DOP1B: variants seen among roughly 807,000 people sequenced by gnomAD.
DOP1B encodes protein DOP1B.
In DOP1B, 174 loss-of-function variants were observed where a neutral mutation model predicts 233.5. The ratio of observed to expected loss-of-function variants is 0.75; its 90% confidence interval spans 0.66 to 0.85. The LOEUF is 0.85. Among genes scored for constraint, DOP1B ranks in the 40% least tolerant of loss-of-function variants. DOP1B has a pLI of 0.00. For missense variants in DOP1B, 2,652 were observed against 2,846.6 expected, an observed-to-expected ratio of 0.93 and a Z score of 1.56; for synonymous variants, 1,190 against 1,185.6, an observed-to-expected ratio of 1.00 and a Z score of -0.08.
intron 23 of DOP1B, among the ~76,000 whole-genome samples, chr21:36,258,819 C>G (rs936994135): frequency 6.6e-6 from 1 of 152,190 alleles, no homozygotes; most frequent in Non-Finnish European, 1.5e-5. Context: ...TAAAAAATAA[C>G]AGCACTGCGA....
rs143153608 is a variant in DOP1B, at chr21:36,247,599, C to A, written c.4780C>A (p.Leu1594Ile). 1.3e-4 allele frequency: 211 copies of A among 1,604,454 alleles called. No homozygotes were observed. The highest frequency in any genetic ancestry group is 1.7e-4 in the Non-Finnish European group (203 of 1,177,468). The change falls in exon 20 of 37, where the codon CTT becomes ATT. Residue 1594 changes from leucine (L) to isoleucine (I), a missense_variant. Physicochemically the swap from Leu to Ile is conservative, Grantham distance 5. Transcript: ENST00000691173. Reference protein sequence around the residue: ...EGLTTISHFCLLEQANQNKKT... With the variant: ...EGLTTISHFCILEQANQNKKT... ...TCTAACGACCATTAGTCATTTTTGT[C>A]TTTTGGAACAAGCCAACCAAAACAA...
rs1213018334 is a variant in DOP1B at position 36,277,581 on chromosome 21, A to T, written c.5713-394A>T. Among the ~76,000 whole-genome samples, 3 of 152,046 alleles carry T rather than the reference A, an allele frequency of 2.0e-5. No homozygotes were observed. The East Asian group carries it at 5.8e-4, about 29-fold the overall frequency. On this transcript the variant is annotated intron_variant, in intron 28 of 36. Coordinates refer to ENST00000691173, the MANE Select transcript of DOP1B (RefSeq NM_001320714.2). ...CAGGCGTGACCCACCGCTCCCAGCC[A>T]TAACTGCTTTTCTTATTGTTGCTCG... is the stretch of plus-strand genomic sequence containing the variant.
At chr21:36,189,438 A>G (rs972790757) in intron 2 of DOP1B, among the ~76,000 whole-genome samples, 5 of 152,206 alleles carry the variant, frequency 3.3e-5, no homozygotes, top group Admixed American at 1.3e-4. Flanking sequence ...TAGCACTTTA[A>G]AAAGTGATTT....
chr21:36,215,377 CTATT>C (rs575954103), intron 9 of DOP1B, among the ~76,000 whole-genome samples: 115 of 152,180 alleles, frequency 7.6e-4, no homozygotes, highest in African/African-American at 2.5e-3. Flanking sequence ...CCTTCTCTCA[CTATT>C]TATTTATTTA....
chr21:36,171,507 G>A (rs1461618863), intron 2 of DOP1B, among the ~76,000 whole-genome samples: 4 of 152,130 alleles, frequency 2.6e-5, no homozygotes, highest in Non-Finnish European at 5.9e-5. Flanking sequence ...CTAATCCAGT[G>A]TGACTGGTGT....
In DOP1B at chr21:36,208,900, T is replaced by A; in HGVS notation, c.677T>A (p.Leu226His). ...TACATGCTGGGGACCAATCACCAAC[T>A]CACGGTGGGTGCTGTGTTCCTCACA... ...QKYMLGTNHQ[L>H]TVKSLRASLL... Residue 226 changes from leucine to histidine, a missense_variant, in exon 5 of 37, where the codon CTC becomes CAC. Transcript: ENST00000691173. The A allele has an allele frequency of 2.0e-6, 3 of 1,527,368 alleles. No individual in the cohort carries two copies. The highest frequency in any genetic ancestry group is 2.6e-6 in the Non-Finnish European group (3 of 1,137,198). The allele number at this position is 1,527,368 out of a possible 1,614,324, so 94.6% of individuals were successfully genotyped here.
intron 5 of DOP1B, among the ~76,000 whole-genome samples, chr21:36,210,995 T>C (rs2066490459): frequency 6.6e-6 from 1 of 152,202 alleles, no homozygotes. Context: ...TGTTCCCTTC[T>C]GTCCCCCTGG....
chr21:36,271,334 C>T (rs1045442579), intron 27 of DOP1B, among the ~76,000 whole-genome samples: 2 of 142,708 alleles, frequency 1.4e-5, no homozygotes, highest in African/African-American at 2.7e-5. Context: ...AGTGCAGTGG[C>T]GTCATCTTGG....
intron 7 of DOP1B, among the ~76,000 whole-genome samples, chr21:36,213,274 G>A (rs966012050): frequency 6.6e-6 from 1 of 152,106 alleles, no homozygotes; most frequent in Non-Finnish European, 1.5e-5. Flanking sequence ...TGCTCCTACG[G>A]GACTTGATAT....
At chr21:36,175,906 C>G (rs1432282454) in intron 2 of DOP1B, 1 of 152,274 alleles carries the variant, frequency 6.6e-6, no homozygotes, top group Non-Finnish European at 1.5e-5. Flanking sequence ...TACAGTTCAG[C>G]CATGACAGAA....
At chr21:36,258,284 G>A (rs1043115100) in intron 23 of DOP1B, among the ~76,000 whole-genome samples, 1 of 152,192 alleles carries the variant, frequency 6.6e-6, no homozygotes, top group Non-Finnish European at 1.5e-5. Flanking sequence ...GTATGCACCT[G>A]TAGCCTCAGC....
At chr21:36,292,036 TA>T in intron 35 of DOP1B, 67 bp from the exon 36 acceptor site, 1 of 1,512,110 alleles carries the variant, frequency 6.6e-7, no homozygotes, top group Non-Finnish European at 8.8e-7. Flanking sequence ...TATATCTTAA[TA>T]AAACTAATTT....
intron 4 of DOP1B, among the ~76,000 whole-genome samples, chr21:36,202,181 C>G (rs754330736): frequency 6.6e-6 from 1 of 151,962 alleles, no homozygotes; most frequent in African/African-American, 2.4e-5. Context: ...AGTAAGACTA[C>G]GTCTCAGAAA....
intron 1 of DOP1B, among the ~76,000 whole-genome samples, chr21:36,157,717 GAGTTGATTAA>G (rs2065832570): frequency 6.6e-6 from 1 of 152,192 alleles, no homozygotes; most frequent in African/African-American, 2.4e-5. Context: ...GTGTGTCCCA[GAGTTGATTAA>G]GCCCATTGGT....
intron 13 of DOP1B, 136 bp downstream of exon 13, chr21:36,228,013 T>A: frequency 1.1e-6 from 1 of 908,642 alleles, no homozygotes; most frequent in East Asian, 2.8e-5. Context: ...CAAATATGCT[T>A]GTAAAACCCT....
At chr21:36,269,483 TTGA>T (rs1317656427) in intron 26 of DOP1B, among the ~76,000 whole-genome samples, 2 of 151,994 alleles carry the variant, frequency 1.3e-5, no homozygotes, top group African/African-American at 4.8e-5. Flanking sequence ...TGAGTGCATG[TTGA>T]TAATATTTTG....
chr21:36,160,137 T>A (rs75670927), intron 1 of DOP1B, among the ~76,000 whole-genome samples: 5,103 of 67,982 alleles, frequency 0.075, 178 homozygotes, highest in African/African-American at 0.12. Context: ...GAAAAAATAA[T>A]AATAATAATA....
chr21:36,159,872 CCT>C (rs1184734702), intron 1 of DOP1B, among the ~76,000 whole-genome samples: 1 of 152,198 alleles, frequency 6.6e-6, no homozygotes, highest in Non-Finnish European at 1.5e-5. Context: ...TTTTGTCCAC[CCT>C]CTGTCACTTA....
Position 36,219,487 on chromosome 21 carries a change from G to C in DOP1B, c.1245G>C (p.Leu415=). 6.2e-7 allele frequency: 1 copy of C among 1,614,088 alleles called. No individual in the cohort carries two copies. The highest frequency in any genetic ancestry group is 8.5e-7 in the Non-Finnish European group (1 of 1,180,014). Residue 415 remains leucine, a synonymous_variant, in exon 10 of 37, where the codon CTG becomes CTC. Coordinates refer to ENST00000691173, the MANE Select transcript of DOP1B (RefSeq NM_001320714.2). ...KLSYTQSGNS[L]ISAIKENRNA... ...GCTACACCCAGAGTGGAAATTCGCT[G>C]ATAAGGTATGGGTTTGGCCTTGAAC... is the stretch of plus-strand genomic sequence containing the variant.
Sources: allele counts gnomAD v4.1 joint callset (sites outside exome capture counted in the v4.1 genomes callset), GRCh38; gene constraint gnomAD v4.1.1; transcripts MANE v1.5; gene names NCBI Gene and HGNC (gene_info 2026-07-23, HGNC 2026-07-21).